The following SGIP1 variants were observed in gnomAD, a reference collection of about 807,000 sequenced individuals.
SGIP1 encodes SH3-containing GRB2-like protein 3-interacting protein 1.
SGIP1 carries 38 observed loss-of-function variants against 107.5 expected under a neutral mutation model. That is an observed-to-expected ratio of 0.35 (90% CI 0.27 to 0.46). The LOEUF is 0.46. SGIP1 is among the 20% of genes least tolerant of loss of function. The pLI, the probability that SGIP1 is intolerant of heterozygous loss-of-function variation, is 1.00. For synonymous variants in SGIP1, 365 were observed against 366.1 expected, an observed-to-expected ratio of 1.00 and a Z score of 0.03; for missense variants, 929 against 1,019.5, an observed-to-expected ratio of 0.91 and a Z score of 1.21.
At position 66,642,879 on chromosome 1, in the gene SGIP1, T is replaced by G. The variant is rs1244250047; in HGVS notation, c.283+15T>G. ...GGAACCCGGCTATATCCTTTCTTTA[T>G]TTTTTTATTTTAATTTTCATTCACT... is the stretch of plus-strand genomic sequence containing the variant. On this transcript the variant is annotated intron_variant, in intron 6 of 24. Coordinates refer to ENST00000371037, the MANE Select transcript of SGIP1 (RefSeq NM_032291.4). 1.3e-6 allele frequency: 2 copies of G among 1,593,620 alleles called. No individual in the cohort carries two copies. The highest frequency in any genetic ancestry group is 1.4e-5 in the African/African-American group (1 of 73,652).
At chr1:66,739,614 C>T (rs559523864) in intron 22 of SGIP1, 77 bp downstream of exon 22, 2 of 1,443,610 alleles carry the variant, frequency 1.4e-6, no homozygotes, top group Non-Finnish European at 1.9e-6. Flanking sequence ...ACTTGCGTGT[C>T]CTGTAGGAGG....
intron 18 of SGIP1, among the ~76,000 whole-genome samples, chr1:66,710,093 T>C (rs188465077): frequency 1.3e-5 from 2 of 152,150 alleles, no homozygotes; most frequent in African/African-American, 4.8e-5. Flanking sequence ...GTAACTTTAT[T>C]TTGACTTCTT....
intron 21 of SGIP1, among the ~76,000 whole-genome samples, chr1:66,736,254 TTTTAAATATAAATATTTATACAAATAG>T (rs1553186698): frequency 2.7e-5 from 1 of 37,302 alleles, no homozygotes. Context: ...TATACAAATA[TTTTAAATATAAATATTTATACAAATAG>T]TTTAAAATAT....
intron 15 of SGIP1, among the ~76,000 whole-genome samples, chr1:66,683,747 T>TGCC (rs2087464308): frequency 1.5e-5 from 2 of 134,600 alleles, no homozygotes. Flanking sequence ...CTTGCTCTGA[T>TGCC]GCCCAGGCTG....
intron 8 of SGIP1, among the ~76,000 whole-genome samples, chr1:66,661,035 G>T (rs1332246883): frequency 6.6e-6 from 1 of 152,110 alleles, no homozygotes; most frequent in East Asian, 1.9e-4. Flanking sequence ...TCAGAGTCTG[G>T]AAAAGAGAAT....
intron 7 of SGIP1, chr1:66,660,001 A>AGTAAGGAAGGAAG (rs1400451602): frequency 1.2e-5 from 1 of 81,064 alleles, no homozygotes; most frequent in Non-Finnish European, 2.0e-5. Flanking sequence ...AAAGAAAGAC[A>AGTAAGGAAGGAAG]GACAGACAGA....
At chr1:66,615,372 A>G (rs1024824021) in intron 1 of SGIP1, among the ~76,000 whole-genome samples, 10 of 152,076 alleles carry the variant, frequency 6.6e-5, no homozygotes, top group African/African-American at 2.4e-4. Context: ...ACCTCAGGTG[A>G]CCCGCCTGCC....
At chr1:66,551,858 G>T (rs1010399494) in intron 1 of SGIP1, among the ~76,000 whole-genome samples, 1 of 152,132 alleles carries the variant, frequency 6.6e-6, no homozygotes, top group African/African-American at 2.4e-5. Context: ...TAGATTCTGA[G>T]ATAAAATTAA....
chr1:66,674,591 A>T (rs115188717), intron 12 of SGIP1, among the ~76,000 whole-genome samples: 1,639 of 152,344 alleles, frequency 0.011, 34 homozygotes, highest in African/African-American at 0.037. Flanking sequence ...AATAAATTAA[A>T]CAAGATGGAA....
In SGIP1 at chr1:66,695,305, G is replaced by A. The variant is rs757555546; in HGVS notation, c.1571-129G>A. On this transcript the variant is annotated intron_variant, in intron 17 of 24. Transcript: ENST00000371037. The stretch of plus-strand genomic sequence containing the variant: ...TGCCAGCCTTCCCTTTTTCCTGCAC[G>A]CTAATGGCATGTAGTGCCTCCACCC... 2.6e-5 allele frequency: 35 copies of A among 1,365,410 alleles called. 1 individual carries two copies. The East Asian group carries it at 7.0e-4, about 27-fold the overall frequency. The allele number at this position is 1,365,410 out of a possible 1,614,324, so 84.6% of individuals were successfully genotyped here.
At chr1:66,740,795 C>A in intron 23 of SGIP1, 73 bp downstream of exon 23, 1 of 928,964 alleles carries the variant, frequency 1.1e-6, no homozygotes. Flanking sequence ...CAACTATTAC[C>A]CAAAACATGT....
intron 19 of SGIP1, among the ~76,000 whole-genome samples, chr1:66,727,580 C>T (rs371903011): frequency 8.5e-5 from 13 of 152,254 alleles, no homozygotes; most frequent in South Asian, 2.1e-4. Context: ...CCCGTACACG[C>T]GTATTCATTG....
At chr1:66,539,345 G>C (rs1570990492) in intron 1 of SGIP1, among the ~76,000 whole-genome samples, 2 of 152,168 alleles carry the variant, frequency 1.3e-5, no homozygotes, top group African/African-American at 4.8e-5. Context: ...GTAGGTGTGG[G>C]CACATAATGG....
At chr1:66,695,411 C>T (rs1159770655) in intron 17 of SGIP1, 23 bp from the exon 18 acceptor site, 14 of 1,614,046 alleles carry the variant, frequency 8.7e-6, no homozygotes, top group East Asian at 6.7e-5. Context: ...CTTCCCATCC[C>T]GCTTCAACTC....
In SGIP1 at chr1:66,594,010, C is replaced by G. The variant is rs145881641; in HGVS notation, c.11-31837C>G. Among the ~76,000 whole-genome samples, 18 of 152,192 alleles carry G rather than the reference C, an allele frequency of 1.2e-4. No homozygotes were observed. In the East Asian group the frequency reaches 3.5e-3, roughly 29 times the overall value. ...TAATATTACAAGAAATGAAATAAGACTATTATTCATGGTTAACCAATAACA... is the reference window on the plus strand; with the variant it reads ...TAATATTACAAGAAATGAAATAAGAGTATTATTCATGGTTAACCAATAACA... On this transcript the variant is annotated intron_variant, in intron 1 of 24. Coordinates refer to ENST00000371037, the MANE Select transcript of SGIP1 (RefSeq NM_032291.4).
In SGIP1 at chr1:66,629,283, C is replaced by T. The variant is rs566221133; in HGVS notation, c.74+3373C>T. Among the ~76,000 whole-genome samples, 5 of 152,300 alleles carry T rather than the reference C, an allele frequency of 3.3e-5. No individual in the cohort carries two copies. The South Asian group carries it at 1.0e-3, about 32-fold the overall frequency. ...GAATTTCCTGATTTGGTCATCATTA[C>T]AGCAGCTGATAGAGGAAGGGAGAGA... On this transcript the variant is annotated intron_variant, in intron 2 of 24. Transcript: ENST00000371037.
At chr1:66,600,454 C>T (rs1033662297) in intron 1 of SGIP1, among the ~76,000 whole-genome samples, 1 of 152,074 alleles carries the variant, frequency 6.6e-6, no homozygotes, top group Non-Finnish European at 1.5e-5. Flanking sequence ...ATGGTGGCAG[C>T]AAGGAAAGAA....
chr1:66,584,749 T>C (rs1255991415), intron 1 of SGIP1, among the ~76,000 whole-genome samples: 1 of 152,178 alleles, frequency 6.6e-6, no homozygotes, highest in East Asian at 1.9e-4. Flanking sequence ...GGTAGGTATA[T>C]GAAGCAAGCA....
intron 18 of SGIP1, among the ~76,000 whole-genome samples, chr1:66,709,113 T>C (rs902521801): frequency 6.6e-6 from 1 of 152,126 alleles, no homozygotes; most frequent in Non-Finnish European, 1.5e-5. Flanking sequence ...ACATGTGCCA[T>C]GGTGGTTTGC....
Sources: gnomAD v4.1 joint callset for allele counts (sites outside exome capture counted in the v4.1 genomes callset) on GRCh38, gnomAD v4.1.1 for gene constraint, MANE v1.5 for transcripts, NCBI Gene and HGNC (gene_info 2026-07-23, HGNC 2026-07-21) for gene names.